Variants in SAA2 observed in about 807,000 individuals in gnomAD.
SAA2 encodes the protein serum amyloid A2, also known as serum amyloid A-2 protein.
SAA2 carries 5 observed loss-of-function variants against 9.1 expected under a neutral mutation model. The ratio of observed to expected loss-of-function variants is 0.55; its 90% CI spans 0.29 to 1.16. SAA2 has a LOEUF of 1.16. Ranked by LOEUF, SAA2 falls within the 50% of genes most tolerant of loss-of-function variation. The pLI is 0.09. For missense variants in SAA2, 94 were observed against 153.8 expected, an observed-to-expected ratio of 0.61 and a Z score of 2.06; for synonymous variants, 49 against 59.8, an observed-to-expected ratio of 0.82 and a Z score of 0.83.
At chr11:18,242,817 A>G, downstream of SAA2, 1 of 701,894 alleles carries the variant, frequency 1.4e-6, no homozygotes, top group Non-Finnish European at 2.6e-6. Flanking sequence ...ATGGCACTTC[A>G]GCCTGGATGA....
chr11:18,245,494 C>T lies in SAA2; in HGVS notation c.252G>A (p.Gln84=). ...EVISNARENI[Q]RLTGRGAEDS... ...CCTCCGCACCACGGCCTGTGAGTCT[C>T]TGGATATTCTCTCTGGCATTGCTGT... is the stretch of plus-strand genomic sequence containing the variant. The change falls in exon 4 of 4, where the codon CAG becomes CAA. Residue 84 remains glutamine, a synonymous_variant. Coordinates refer to ENST00000256733, the MANE Select transcript of SAA2 (RefSeq NM_030754.5). 6.2e-7 allele frequency: 1 copy of T among 1,614,122 alleles called. No individual in the cohort carries two copies. Among genetic ancestry groups the T allele is most frequent in the Non-Finnish European group, 8.5e-7 (1 of 1,179,962 alleles).
At chr11:18,241,465 A>G (rs1320805022), downstream of SAA2, among the ~76,000 whole-genome samples, 1 of 152,070 alleles carries the variant, frequency 6.6e-6, no homozygotes, top group Non-Finnish European at 1.5e-5. Flanking sequence ...TATTCACAGT[A>G]GCAAAAATAT....
At chr11:18,239,591 G>T in exon 4 of SAA2, 1 of 404,076 alleles carries the variant, frequency 2.5e-6, no homozygotes, top group Non-Finnish European at 4.3e-6. Context: ...TTAAGCCAAA[G>T]GTGAACTCCT....
chr11:18,243,040 C>A (rs1294602919), downstream of SAA2, among the ~76,000 whole-genome samples: 1 of 152,132 alleles, frequency 6.6e-6, no homozygotes, highest in Non-Finnish European at 1.5e-5. Context: ...GTAAACCAAG[C>A]ACCTTTTTCC....
chr11:18,247,885 C>G (rs1349903698), intron 2 of SAA2, 36 bp downstream of exon 2: 3 of 1,613,752 alleles, frequency 1.9e-6, no homozygotes, highest in Non-Finnish European at 2.5e-6. Flanking sequence ...GGCGATGTTT[C>G]TCTTCAGAAA....
downstream of SAA2, among the ~76,000 whole-genome samples, chr11:18,240,874 T>A (rs1255908376): frequency 6.6e-6 from 1 of 151,890 alleles, no homozygotes; most frequent in Non-Finnish European, 1.5e-5. Context: ...CAAGCAGGAC[T>A]AAACTAAACT....
At chr11:18,240,252 C>G, downstream of SAA2, 1 of 703,110 alleles carries the variant, frequency 1.4e-6, no homozygotes, top group East Asian at 2.7e-5. Context: ...TTGAAAAAGT[C>G]CATCCAGTTG....
rs750654169 is a variant in SAA2, at chr11:18,245,405, C to T, written c.341G>A (p.Arg114Gln). Residue 114 changes from arginine (R) to glutamine (Q), a missense_variant, in exon 4 of 4, where the codon CGA (arginine) becomes CAA (glutamine). Arg to Gln is a conservative substitution (Grantham distance 43). This residue lies in a region of SAA2 where 62 missense variants were observed against 58.3 expected (regional missense o/e 1.06). Coordinates refer to ENST00000256733, the MANE Select transcript of SAA2 (RefSeq NM_030754.5). ...GRSGRDPNHF[R>Q]PAGLPEKY ...GTATTTCTCAGGCAGGCCAGCAGGT[C>T]GGAAGTGATTGGGGTCTCTGCCACT... The T allele has an allele frequency of 8.1e-6, 13 of 1,614,222 alleles. No homozygotes were observed. The East Asian group carries it at 1.1e-4, about 14-fold the overall frequency.
chr11:18,242,664 G>A (rs1323809368), downstream of SAA2: 37 of 634,390 alleles, frequency 5.8e-5, no homozygotes, highest in East Asian at 7.4e-4. Flanking sequence ...TGGGTGACAC[G>A]GCGAAACCCC....
Position 18,245,912 on chromosome 11 carries a change from G to C in SAA2, c.228C>G (p.Ile76Met). Residue 76 changes from isoleucine to methionine, a missense_variant and splice_region_variant, in exon 3 of 4, where the codon ATC becomes ATG. Ile to Met is a conservative substitution (Grantham distance 10). Transcript: ENST00000256733. ...AACGTCCCAGGAGCTCCAGTTACCT[G>C]ATCACTTCTGCAGCCCAGGCACCCC... ...GPGGAWAAEV[I>M]SNARENIQRL... 6.2e-7 allele frequency: 1 copy of C among 1,614,036 alleles called. No individual in the cohort carries two copies. Among genetic ancestry groups the C allele is most frequent in the Non-Finnish European group, 8.5e-7 (1 of 1,179,930 alleles).
At chr11:18,243,152 A>G (rs556337317), downstream of SAA2, among the ~76,000 whole-genome samples, 97 of 152,104 alleles carry the variant, frequency 6.4e-4, no homozygotes, top group Non-Finnish European at 1.0e-3. Flanking sequence ...TTTTCAAATT[A>G]TAGATTTCAA....
downstream of SAA2, among the ~76,000 whole-genome samples, chr11:18,240,921 G>A (rs1022242452): frequency 1.3e-5 from 2 of 151,996 alleles, no homozygotes; most frequent in East Asian, 1.9e-4. Flanking sequence ...AGCCAACAGA[G>A]TAAACAGACA....
chr11:18,244,226 T>C (rs1278661586), downstream of SAA2, among the ~76,000 whole-genome samples: 18 of 152,208 alleles, frequency 1.2e-4, no homozygotes, highest in Admixed American at 1.2e-3. Flanking sequence ...TTTCAACATA[T>C]ACATTTTGGC....
chr11:18,238,489 A>T (rs1281743940), downstream of SAA2, among the ~76,000 whole-genome samples: 1 of 152,068 alleles, frequency 6.6e-6, no homozygotes, highest in East Asian at 1.9e-4. Flanking sequence ...GGTTTTCTTA[A>T]ACTCAAATGT....
chr11:18,239,996 A>G, intron 3 of SAA2: 1 of 1,550,694 alleles, frequency 6.4e-7, no homozygotes, highest in South Asian at 1.2e-5. Context: ...AATAGGAGAA[A>G]AAGTCATATA....
At chr11:18,246,107 C>T in intron 2 of SAA2, 59 bp from the exon 3 acceptor site, 1 of 1,518,984 alleles carries the variant, frequency 6.6e-7, no homozygotes, top group Non-Finnish European at 9.0e-7. Flanking sequence ...TCCAACAACA[C>T]CTTAGAGGGG....
exon 4 of SAA2, chr11:18,239,680 C>T (rs1857287692): frequency 4.7e-6 from 2 of 423,660 alleles, no homozygotes; most frequent in South Asian, 8.6e-5. Context: ...CCTAGTTTTC[C>T]TCCTTTCCCA....
downstream of SAA2, among the ~76,000 whole-genome samples, chr11:18,243,735 G>T (rs1477345514): frequency 2.6e-5 from 4 of 152,082 alleles, no homozygotes; most frequent in Admixed American, 2.6e-4. Flanking sequence ...AAATAAATTT[G>T]TCTTTACTCT....
chr11:18,246,739 G>A (rs951142875), intron 2 of SAA2, among the ~76,000 whole-genome samples: 3 of 151,878 alleles, frequency 2.0e-5, no homozygotes, highest in African/African-American at 7.3e-5. Flanking sequence ...CACCATGTTG[G>A]CCAGGCTGCT....
Sources: gnomAD v4.1 joint callset for allele counts (sites outside exome capture counted in the v4.1 genomes callset) on GRCh38, gnomAD v4.1.1 for gene constraint, gnomAD v4.1.1 regional missense constraint, MANE v1.5 for transcripts, NCBI Gene and HGNC (gene_info 2026-07-23, HGNC 2026-07-21) for gene names.